CNDP1: variants seen among roughly 807,000 people sequenced by gnomAD.
CNDP1 encodes the protein beta-Ala-His dipeptidase.
CNDP1 carries 44 observed loss-of-function variants against 58.1 expected under a neutral mutation model. The observed-to-expected ratio is 0.76, with a 90% CI of 0.60 to 0.97. The LOEUF (loss-of-function observed/expected upper bound fraction) is 0.97. Among genes scored for constraint, CNDP1 ranks in the 50% least tolerant of loss-of-function variants. CNDP1 has a pLI of 0.00. For missense variants in CNDP1, 616 were observed against 655.1 expected, an observed-to-expected ratio of 0.94 and a Z score of 0.65; for synonymous variants, 254 against 252.6, an observed-to-expected ratio of 1.01 and a Z score of -0.05.
intron 1 of CNDP1, among the ~76,000 whole-genome samples, chr18:74,548,605 T>C (rs1180854800): frequency 6.6e-6 from 1 of 152,212 alleles, no homozygotes; most frequent in Non-Finnish European, 1.5e-5. Flanking sequence ...GGGGCATCGC[T>C]ATAAAGATAC....
At chr18:74,564,663 A>G (rs921956033) in intron 5 of CNDP1, among the ~76,000 whole-genome samples, 2 of 152,220 alleles carry the variant, frequency 1.3e-5, no homozygotes, top group African/African-American at 4.8e-5. Flanking sequence ...CTGTAGCCAC[A>G]CAGGCAAGCT....
rs765424705 is a variant in CNDP1 at position 74,576,869 on chromosome 18, G to C, written c.842G>C (p.Gly281Ala). 7.5e-6 allele frequency: 12 copies of C among 1,604,254 alleles called. No homozygotes were observed. The highest frequency in any genetic ancestry group is 9.4e-6 in the Non-Finnish European group (11 of 1,176,030). The change falls in exon 8 of 12, where the codon GGT becomes GCT. Residue 281 changes from glycine to alanine, a missense_variant and splice_region_variant. Transcript: ENST00000358821. ...TTTGTTTTCTGTGTGTGTTTTGTAGGTAGCCTGGTAGACTCGTCTGGTCAT... is the reference window on the plus strand; with the variant it reads ...TTTGTTTTCTGTGTGTGTTTTGTAGCTAGCCTGGTAGACTCGTCTGGTCAT... ...EPMADLVALL[G>A]SLVDSSGHIL...
At chr18:74,540,925 A>G (rs1459877278) in intron 1 of CNDP1, among the ~76,000 whole-genome samples, 2 of 152,228 alleles carry the variant, frequency 1.3e-5, no homozygotes, top group African/African-American at 4.8e-5. Context: ...GGAATGCTGC[A>G]AACATCAAAT....
At chr18:74,563,602 G>T (rs1013208205) in intron 5 of CNDP1, among the ~76,000 whole-genome samples, 2 of 152,160 alleles carry the variant, frequency 1.3e-5, no homozygotes, top group African/African-American at 4.8e-5. Context: ...TCACAAGCTC[G>T]CAGGGATTCA....
chr18:74,543,370 G>A (rs570402678), intron 1 of CNDP1, among the ~76,000 whole-genome samples: 1 of 152,110 alleles, frequency 6.6e-6, no homozygotes, highest in Non-Finnish European at 1.5e-5. Flanking sequence ...GCATGCACCT[G>A]TAGTCCCAGC....
chr18:74,580,421 G>C, intron 10 of CNDP1, 150 bp downstream of exon 10: 2 of 753,446 alleles, frequency 2.7e-6, no homozygotes, highest in Non-Finnish European at 4.4e-6. Flanking sequence ...GCCATGTGCA[G>C]GGCACGCTAT....
intron 9 of CNDP1, 21 bp downstream of exon 9, chr18:74,578,348 CAAT>C: frequency 6.3e-7 from 1 of 1,586,354 alleles, no homozygotes; most frequent in Non-Finnish European, 8.6e-7. Flanking sequence ...CTTATTGTGA[CAAT>C]AACATGTTTC....
At chr18:74,557,414 G>A (rs192818664) in intron 2 of CNDP1, among the ~76,000 whole-genome samples, 4 of 152,182 alleles carry the variant, frequency 2.6e-5, no homozygotes, top group African/African-American at 9.7e-5. Flanking sequence ...GGTTGGGAGT[G>A]GGGGTAAAGT....
chr18:74,559,260 C>T (rs543464906), intron 2 of CNDP1, 63 bp from the exon 3 acceptor site: 101 of 1,566,204 alleles, frequency 6.4e-5, no homozygotes, highest in African/African-American at 4.1e-4. Context: ...GCCCTCCCTT[C>T]GCTCCCCCCG....
intron 4 of CNDP1, chr18:74,561,428 A>AG (rs1981195305): frequency 6.4e-6 from 1 of 155,256 alleles, no homozygotes; most frequent in Non-Finnish European, 1.4e-5. Context: ...AAAAAAAAAA[A>AG]AAGAATGCAC....
At chr18:74,579,315 C>T (rs1358076572) in intron 9 of CNDP1, among the ~76,000 whole-genome samples, 2 of 146,400 alleles carry the variant, frequency 1.4e-5, no homozygotes, top group Non-Finnish European at 3.0e-5. Context: ...CTCCCCACTC[C>T]CTTCCCCTCC....
chr18:74,567,469 T>C, intron 6 of CNDP1, 36 bp downstream of exon 6: 2 of 1,556,474 alleles, frequency 1.3e-6, no homozygotes, highest in Non-Finnish European at 1.8e-6. Context: ...TGGAGGCCTG[T>C]GGGGGTTGTG....
chr18:74,555,334 C>A (rs998089679), intron 1 of CNDP1, among the ~76,000 whole-genome samples: 1 of 152,090 alleles, frequency 6.6e-6, no homozygotes, highest in Non-Finnish European at 1.5e-5. Context: ...CTGACGTAGG[C>A]GGTCTGACCA....
chr18:74,567,379 A>G lies in CNDP1; in HGVS notation c.702A>G (p.Gln234=), dbSNP rs761847077. 2.4e-5 allele frequency: 39 copies of G among 1,614,004 alleles called. 1 individual carries two copies. The South Asian group carries it at 3.6e-4, about 15-fold the overall frequency. The stretch of plus-strand genomic sequence containing the variant: ...TTTCAGATAACCTGTGGATCAGCCA[A>G]AGGAAGCCAGCAATCACTTACGGAA... The part of the protein sequence containing the change: ...IVISDNLWIS[Q]RKPAITYGTR... The change falls in exon 6 of 12, where the codon CAA becomes CAG. Residue 234 remains glutamine (Q), a synonymous_variant. Transcript: ENST00000358821.
At position 74,586,701 on chromosome 18, in the gene CNDP1, C is replaced by T. The variant is rs1981921950; in HGVS notation, c.*2139C>T. On this transcript the variant is annotated 3_prime_UTR_variant, in exon 12 of 12. Transcript: ENST00000358821. ...GCCAGAGTTCAGAGTCCATGTTTTT[C>T]TGTCACCCAGGGTCACGACTGGTCT... 3 of 152,140 alleles carry T rather than the reference C, an allele frequency of 2.0e-5. No individual in the cohort carries two copies. The highest frequency in any genetic ancestry group is 4.4e-5 in the Non-Finnish European group (3 of 68,032). The allele number at this position is 152,140 out of a possible 1,614,324, so 9.4% of individuals were successfully genotyped here.
chr18:74,582,961 A>G (rs1981823830), intron 10 of CNDP1, among the ~76,000 whole-genome samples: 1 of 152,228 alleles, frequency 6.6e-6, no homozygotes, highest in Non-Finnish European at 1.5e-5. Context: ...TCTAAATTCT[A>G]CACTTTTCTA....
At chr18:74,569,578 G>A (rs1981418019) in intron 6 of CNDP1, among the ~76,000 whole-genome samples, 1 of 152,148 alleles carries the variant, frequency 6.6e-6, no homozygotes, top group South Asian at 2.1e-4. Context: ...TGTATTAATA[G>A]CATCTCTGCC....
intron 1 of CNDP1, among the ~76,000 whole-genome samples, chr18:74,538,121 A>T (rs889124925): frequency 1.8e-4 from 27 of 152,168 alleles, no homozygotes; most frequent in Non-Finnish European, 3.2e-4. Flanking sequence ...AACCATCACC[A>T]CCATCAATTT....
At chr18:74,537,808 C>T (rs1228439653) in intron 1 of CNDP1, among the ~76,000 whole-genome samples, 1 of 152,178 alleles carries the variant, frequency 6.6e-6, no homozygotes, top group Non-Finnish European at 1.5e-5. Flanking sequence ...TGAACCAGGT[C>T]ATATATCACT....
Sources: allele counts gnomAD v4.1 joint callset (sites outside exome capture counted in the v4.1 genomes callset), GRCh38; gene constraint gnomAD v4.1.1; transcripts MANE v1.5; gene names NCBI Gene and HGNC (gene_info 2026-07-23, HGNC 2026-07-21).